FBXL13: variants seen among roughly 807,000 people sequenced by gnomAD.
FBXL13 encodes F-box and leucine rich repeat protein 13, also known as F-box and leucine-rich repeat protein 13.
FBXL13 carries 67 observed loss-of-function variants against 83.6 expected under a neutral mutation model. That is an observed-to-expected ratio of 0.80 (90% CI 0.66 to 0.98). FBXL13 has a LOEUF of 0.98. FBXL13 is among the 50% of genes least tolerant of loss of function. The pLI is 0.00. For missense variants in FBXL13, 822 were observed against 866.5 expected (o/e 0.95, Z 0.64); for synonymous variants, 272 against 299.5 (o/e 0.91, Z 0.95).
At chr7:102,980,135 A>C (rs544780071) in intron 6 of FBXL13, among the ~76,000 whole-genome samples, 5 of 152,376 alleles carry the variant, frequency 3.3e-5, no homozygotes, top group African/African-American at 9.6e-5. Flanking sequence ...ATTTGCAGTA[A>C]GTGCAAGGAG....
At chr7:103,049,297 T>C (rs1796583988) in intron 2 of FBXL13, among the ~76,000 whole-genome samples, 1 of 152,218 alleles carries the variant, frequency 6.6e-6, no homozygotes, top group Admixed American at 6.5e-5. Flanking sequence ...TTAAACATAT[T>C]AAGCAAACCT....
At chr7:102,840,759 G>T (rs1202815228) in intron 17 of FBXL13, among the ~76,000 whole-genome samples, 6 of 152,192 alleles carry the variant, frequency 3.9e-5, no homozygotes, top group African/African-American at 7.2e-5. Flanking sequence ...ATCTGAAATT[G>T]TATCTATGTG....
chr7:103,032,569 A>T (rs79420601), intron 2 of FBXL13, among the ~76,000 whole-genome samples: 7,622 of 152,290 alleles, frequency 0.05, 281 homozygotes, highest in East Asian at 0.21. Context: ...ATATATTTGC[A>T]TTGCAAACTC....
chr7:103,016,943 T>TA (rs755968926), intron 6 of FBXL13, among the ~76,000 whole-genome samples: 14 of 152,206 alleles, frequency 9.2e-5, no homozygotes, highest in Non-Finnish European at 1.9e-4. Context: ...TCTGCAGACT[T>TA]AAACGTCCCT....
intron 6 of FBXL13, among the ~76,000 whole-genome samples, chr7:102,976,673 C>G (rs1306130435): frequency 2.6e-5 from 4 of 152,142 alleles, no homozygotes; most frequent in South Asian, 2.1e-4. Context: ...CCTTAAAGAG[C>G]CCACCCAGTT....
At chr7:102,962,986 A>AATATATATATATATAT (rs10612534) in intron 8 of FBXL13, among the ~76,000 whole-genome samples, 1 of 101,444 alleles carries the variant, frequency 9.9e-6, no homozygotes, top group Non-Finnish European at 1.8e-5. Context: ...GGATAATAAA[A>AATATATATATATATAT]ATATATATAT....
chr7:103,067,625 A>G (rs960478537), intron 1 of FBXL13, among the ~76,000 whole-genome samples: 2 of 152,208 alleles, frequency 1.3e-5, no homozygotes, highest in Admixed American at 1.3e-4. Context: ...TCTACCTGTC[A>G]GTCTCAGGAG....
At chr7:102,996,062 T>C (rs1218163271) in intron 6 of FBXL13, among the ~76,000 whole-genome samples, 3 of 152,170 alleles carry the variant, frequency 2.0e-5, no homozygotes, top group Admixed American at 2.0e-4. Flanking sequence ...AGGGCTGAAA[T>C]TGCTCAAGGT....
At chr7:102,994,798 C>CT (rs1449838851) in intron 6 of FBXL13, among the ~76,000 whole-genome samples, 1 of 152,158 alleles carries the variant, frequency 6.6e-6, no homozygotes, top group Admixed American at 6.5e-5. Flanking sequence ...AGGCTACACT[C>CT]TATTGGTTGG....
At chr7:102,823,743 G>A (rs895657454) in intron 18 of FBXL13, among the ~76,000 whole-genome samples, 1 of 152,298 alleles carries the variant, frequency 6.6e-6, no homozygotes, top group African/African-American at 2.4e-5. Context: ...CTTGGCTCTT[G>A]TTTTAACATA....
At chr7:103,009,549 A>T (rs1791365496) in intron 6 of FBXL13, among the ~76,000 whole-genome samples, 1 of 152,228 alleles carries the variant, frequency 6.6e-6, no homozygotes, top group South Asian at 2.1e-4. Context: ...CTTTAGACTG[A>T]GGCAGAAAGC....
chr7:103,032,857 T>G (rs375413689), intron 2 of FBXL13, among the ~76,000 whole-genome samples: 61 of 152,284 alleles, frequency 4.0e-4, no homozygotes, highest in African/African-American at 1.4e-3. Flanking sequence ...TAGTGAGACC[T>G]TGTCTCTGCT....
rs540027958 is a variant in FBXL13 at position 102,964,837 on chromosome 7, C to T, written c.592-1172G>A. Among the ~76,000 whole-genome samples, 13 of 152,184 alleles carry T rather than the reference C, an allele frequency of 8.5e-5. No individual in the cohort carries two copies. The East Asian group carries it at 1.5e-3, about 18-fold the overall frequency. ...GATATTCACCACAGGATTTTATTAA[C>T]GAAAGATAGGAAACAACCTAAATGT... On this transcript the variant is annotated intron_variant, in intron 7 of 19. Transcript: ENST00000313221.
intron 11 of FBXL13, among the ~76,000 whole-genome samples, chr7:102,891,822 T>C (rs929337777): frequency 1.3e-5 from 2 of 152,246 alleles, no homozygotes; most frequent in African/African-American, 4.8e-5. Context: ...TGATCCATCC[T>C]AAACTTTGCC....
At chr7:103,003,520 C>T (rs1790658162) in intron 6 of FBXL13, among the ~76,000 whole-genome samples, 1 of 151,656 alleles carries the variant, frequency 6.6e-6, no homozygotes, top group African/African-American at 2.4e-5. Flanking sequence ...CTGCTGACCT[C>T]GTGATCCACC....
At chr7:102,959,602 A>G (rs1421379537) in intron 8 of FBXL13, among the ~76,000 whole-genome samples, 7 of 152,190 alleles carry the variant, frequency 4.6e-5, no homozygotes, top group South Asian at 2.1e-4. Context: ...GTATTTGTAC[A>G]TGTATATGAC....
At chr7:103,040,044 TC>T (rs1795499128) in intron 2 of FBXL13, among the ~76,000 whole-genome samples, 1 of 142,652 alleles carries the variant, frequency 7.0e-6, no homozygotes, top group Non-Finnish European at 1.5e-5. Flanking sequence ...GGATAAAGAG[TC>T]AAGACCCATC....
At chr7:102,969,508 G>A (rs1348467217) in intron 6 of FBXL13, among the ~76,000 whole-genome samples, 2 of 151,926 alleles carry the variant, frequency 1.3e-5, no homozygotes, top group Admixed American at 6.6e-5. Flanking sequence ...AAAAGAGAGA[G>A]AGAGAGAAAT....
chr7:102,964,893 A>G (rs1825815909), intron 7 of FBXL13, among the ~76,000 whole-genome samples: 1 of 152,248 alleles, frequency 6.6e-6, no homozygotes. Context: ...AAATAAATTG[A>G]GTGACTTCCA....
Sources: allele counts gnomAD v4.1 joint callset (sites outside exome capture counted in the v4.1 genomes callset), GRCh38; gene constraint gnomAD v4.1.1; transcripts MANE v1.5; gene names NCBI Gene and HGNC (gene_info 2026-07-23, HGNC 2026-07-21).